PAQR3: variants seen among roughly 807,000 people sequenced by gnomAD.
PAQR3 encodes progestin and adipoQ receptor family member 3, also known as Raf kinase trapping to Golgi.
Under a neutral mutation model 41.7 loss-of-function variants are expected in PAQR3, and 39 were observed. The observed-to-expected ratio is 0.93, with a 90% CI of 0.72 to 1.22. The LOEUF is 1.22. Ranked by LOEUF, PAQR3 falls within the 50% of genes most tolerant of loss-of-function variation. The pLI is 0.00. For missense variants in PAQR3, 366 were observed against 385.6 expected, an observed-to-expected ratio of 0.95 and a Z score of 0.42; for synonymous variants, 140 against 140.6, an observed-to-expected ratio of 1.00 and a Z score of 0.03.
Position 78,919,232 on chromosome 4 carries a change from T to C in PAQR3, c.*1307A>G. 1 of 984,708 alleles carries C rather than the reference T, an allele frequency of 1.0e-6. No homozygotes were observed. The highest frequency in any genetic ancestry group is 1.2e-6 in the Non-Finnish European group (1 of 829,390). The allele number at this position is 984,708 out of a possible 1,614,324, so 61.0% of individuals were successfully genotyped here. ...CTGATATTCAGTAATTTTACTGTTCTGAAAATACACCAGTATTTAAAACAG... is the reference window on the plus strand; with the variant it reads ...CTGATATTCAGTAATTTTACTGTTCCGAAAATACACCAGTATTTAAAACAG... On this transcript the variant is annotated 3_prime_UTR_variant, in exon 6 of 6. Coordinates refer to ENST00000512733, the MANE Select transcript of PAQR3 (RefSeq NM_001040202.2).
intron 1 of PAQR3, among the ~76,000 whole-genome samples, chr4:78,937,078 A>G (rs973862675): frequency 6.6e-6 from 1 of 152,192 alleles, no homozygotes; most frequent in Non-Finnish European, 1.5e-5. Flanking sequence ...GAATGACCCT[A>G]TATGAAAAAC....
chr4:78,905,507 AC>A (rs1294599047), intron 11 of PAQR3, among the ~76,000 whole-genome samples: 2 of 151,966 alleles, frequency 1.3e-5, no homozygotes, highest in Non-Finnish European at 2.9e-5. Context: ...TGCACCATCT[AC>A]ACAGTTTTTA....
At position 78,926,728 on chromosome 4, in the gene PAQR3, A is replaced by G. The variant is rs1350727450; in HGVS notation, c.505-10T>C. On this transcript the variant is annotated splice_polypyrimidine_tract_variant and intron_variant, in intron 3 of 5. Coordinates refer to ENST00000512733, the MANE Select transcript of PAQR3 (RefSeq NM_001040202.2). ...ACACCTGACGCCAGTACTAGAATGA[A>G]AGGAAATCACATTTTAATTCTGTTA... The G allele has an allele frequency of 6.2e-7, 1 of 1,609,304 alleles. No homozygotes were observed. Among genetic ancestry groups the G allele is most frequent in the Admixed American group, 1.7e-5 (1 of 59,928 alleles).
rs1214212784 is a variant in PAQR3, at chr4:78,915,006, A to G, written c.*5533T>C. On this transcript the variant is annotated 3_prime_UTR_variant, in exon 6 of 6. Coordinates refer to ENST00000512733, the MANE Select transcript of PAQR3 (RefSeq NM_001040202.2). ...AAAAGATCAGCTTTTTATGGCATTG[A>G]AGAATGTATCTGCTAAGACACAAAA... 1 of 152,068 alleles carries G rather than the reference A, an allele frequency of 6.6e-6. No homozygotes were observed. Among genetic ancestry groups the G allele is most frequent in the Non-Finnish European group, 1.5e-5 (1 of 67,962 alleles). 9.4% of individuals were successfully genotyped at this position (152,068 alleles called of 1,614,324 possible).
intron 11 of PAQR3, among the ~76,000 whole-genome samples, chr4:78,889,372 C>T (rs116452367): frequency 2.0e-5 from 3 of 151,746 alleles, no homozygotes; most frequent in East Asian, 3.9e-4. Flanking sequence ...AGGAGAAATG[C>T]GTCTCCTGAG....
At position 78,930,262 on chromosome 4, in the gene PAQR3, G is replaced by T. The variant is rs748301193; in HGVS notation, c.412C>A (p.Arg138=). 6.6e-5 allele frequency: 107 copies of T among 1,613,460 alleles called. No homozygotes were observed. Among genetic ancestry groups the T allele is most frequent in the Non-Finnish European group, 8.5e-5 (100 of 1,179,728 alleles). The change falls in exon 3 of 6, where the codon CGA becomes AGA. Residue 138 remains arginine, a synonymous_variant. Coordinates refer to ENST00000512733, the MANE Select transcript of PAQR3 (RefSeq NM_001040202.2). ...GCATAATCTAATGCCATCCATCTTC[G>T]ACATGTTTTTTCTGACCGATGGCAG... is the stretch of plus-strand genomic sequence containing the variant. ...FSCHRSEKTC[R]RWMALDYAGI...
At chr4:78,927,380 T>G (rs1296610185) in intron 3 of PAQR3, among the ~76,000 whole-genome samples, 1 of 152,248 alleles carries the variant, frequency 6.6e-6, no homozygotes, top group Non-Finnish European at 1.5e-5. Context: ...ACAGACTTAT[T>G]AGAAAGACAA....
chr4:78,889,902 AG>A (rs1484007704), intron 11 of PAQR3, among the ~76,000 whole-genome samples: 1 of 152,224 alleles, frequency 6.6e-6, no homozygotes, highest in Non-Finnish European at 1.5e-5. Context: ...GTAAGAACTT[AG>A]TTAAGTTTTA....
chr4:78,911,587 A>C, downstream of PAQR3: 1 of 1,613,940 alleles, frequency 6.2e-7, no homozygotes, highest in Non-Finnish European at 8.5e-7. Context: ...TACCTATCGC[A>C]CTCCAGAGAG....
intron 11 of PAQR3, among the ~76,000 whole-genome samples, chr4:78,898,497 TA>T (rs1553921371): frequency 1.3e-5 from 2 of 150,782 alleles, no homozygotes; most frequent in Non-Finnish European, 3.0e-5. Context: ...GTGGAGGTAA[TA>T]GGTAGAAATG....
downstream of PAQR3, among the ~76,000 whole-genome samples, chr4:78,907,950 G>A (rs748470591): frequency 2.0e-5 from 3 of 152,080 alleles, no homozygotes; most frequent in South Asian, 2.1e-4. Context: ...TTCTGGAACC[G>A]TACATATTTT....
chr4:78,909,965 C>T (rs1420098838), downstream of PAQR3, among the ~76,000 whole-genome samples: 2 of 152,106 alleles, frequency 1.3e-5, no homozygotes, highest in African/African-American at 4.8e-5. Context: ...AAAGGAATCT[C>T]GCTTTTTTAA....
Position 78,918,205 on chromosome 4 carries a change from T to C in PAQR3, c.*2334A>G. The C allele has an allele frequency of 1.1e-6, 1 of 927,382 alleles. No individual in the cohort carries two copies. Among genetic ancestry groups the C allele is most frequent in the Non-Finnish European group, 1.3e-6 (1 of 781,854 alleles). The allele number at this position is 927,382 out of a possible 1,614,324, so 57.4% of individuals were successfully genotyped here. On this transcript the variant is annotated 3_prime_UTR_variant, in exon 6 of 6. Transcript: ENST00000512733. Reference sequence around the variant, plus strand: ...CACATTGGTAAAATTAAAACCAGTCTTTTTTAGTAATAAAACTGGATAGTA... The same window carrying C: ...CACATTGGTAAAATTAAAACCAGTCCTTTTTAGTAATAAAACTGGATAGTA...
chr4:78,936,713 T>C (rs1482349057), intron 1 of PAQR3, among the ~76,000 whole-genome samples: 2 of 152,232 alleles, frequency 1.3e-5, no homozygotes, highest in Admixed American at 6.5e-5. Flanking sequence ...ACTACAGGAC[T>C]GTTTTGACAA....
intron 5 of PAQR3, chr4:78,922,204 G>A (rs1189631279): frequency 8.5e-7 from 1 of 1,179,878 alleles, no homozygotes; most frequent in Non-Finnish European, 1.1e-6. Context: ...TCAGTGGCAT[G>A]TCCTAGATCT....
intron 2 of PAQR3, among the ~76,000 whole-genome samples, chr4:78,934,872 A>G (rs893092513): frequency 6.6e-6 from 1 of 152,252 alleles, no homozygotes; most frequent in Non-Finnish European, 1.5e-5. Context: ...AATTAATCTT[A>G]AAGCAGAGGT....
chr4:78,892,173 C>A (rs1733475287), intron 11 of PAQR3, among the ~76,000 whole-genome samples: 1 of 151,922 alleles, frequency 6.6e-6, no homozygotes, highest in African/African-American at 2.4e-5. Flanking sequence ...GATTTTTTTC[C>A]TAAATATTTA....
chr4:78,937,951 G>A (rs1419251446), intron 1 of PAQR3, among the ~76,000 whole-genome samples: 1 of 152,190 alleles, frequency 6.6e-6, no homozygotes, highest in African/African-American at 2.4e-5. Context: ...AGGCACTGGG[G>A]AGGAAAACGG....
At chr4:78,893,759 C>T (rs1733562265) in intron 11 of PAQR3, among the ~76,000 whole-genome samples, 1 of 152,152 alleles carries the variant, frequency 6.6e-6, no homozygotes. Context: ...GAGTTTGGGT[C>T]TCACTATGTT....
Sources: gnomAD v4.1 joint callset for allele counts (sites outside exome capture counted in the v4.1 genomes callset) on GRCh38, gnomAD v4.1.1 for gene constraint, MANE v1.5 for transcripts, NCBI Gene and HGNC (gene_info 2026-07-23, HGNC 2026-07-21) for gene names.